The following CD44 variants were observed in gnomAD, a reference collection of about 807,000 sequenced individuals.
The protein encoded by CD44 is CD44 antigen.
CD44 carries 49 observed loss-of-function variants against 88.8 expected under a neutral mutation model. The ratio of observed to expected loss-of-function variants is 0.55; its 90% CI spans 0.44 to 0.70. The LOEUF (loss-of-function observed/expected upper bound fraction) is 0.70, where lower values mean the gene tolerates loss of function less well. Among genes scored for constraint, CD44 ranks in the 30% least tolerant of loss-of-function variants. The pLI is 0.00. For synonymous variants in CD44, 325 were observed against 312.3 expected (o/e 1.04, Z -0.43); for missense variants, 883 against 913.8 (o/e 0.97, Z 0.43).
chr11:35,167,039 A>G (rs368389647), intron 1 of CD44, among the ~76,000 whole-genome samples: 2 of 152,200 alleles, frequency 1.3e-5, no homozygotes, highest in African/African-American at 4.8e-5. Context: ...GGGGCAGCAG[A>G]GGGCACAATA....
At chr11:35,188,027 G>GA (rs2133860937) in intron 4 of CD44, among the ~76,000 whole-genome samples, 1 of 152,234 alleles carries the variant, frequency 6.6e-6, no homozygotes, top group South Asian at 2.1e-4. Flanking sequence ...TTAGAAATCA[G>GA]AAAATCTCAA....
In CD44 at chr11:35,214,880, G is replaced by T; in HGVS notation, c.1839G>T (p.Gly613=). The T allele has an allele frequency of 6.4e-7, 1 of 1,562,104 alleles. No homozygotes were observed. Among genetic ancestry groups the T allele is most frequent in the Non-Finnish European group, 8.7e-7 (1 of 1,154,060 alleles). The change falls in exon 15 of 18, where the codon GGG becomes GGT. Residue 613 remains glycine, a synonymous_variant. Coordinates refer to ENST00000428726, the MANE Select transcript of CD44 (RefSeq NM_000610.4). Reference sequence around the variant, plus strand: ...ACCAAGACACATTCCACCCCAGTGGGGGGTCCCATACCACTCATGGATCTG... The same window carrying T: ...ACCAAGACACATTCCACCCCAGTGGTGGGTCCCATACCACTCATGGATCTG... ...SGDQDTFHPS[G]GSHTTHGSES...
chr11:35,192,790 C>CTTTTTTTTT (rs35505196), intron 5 of CD44, among the ~76,000 whole-genome samples: 1 of 109,576 alleles, frequency 9.1e-6, no homozygotes, highest in African/African-American at 3.7e-5. Context: ...GGAATTCTTT[C>CTTTTTTTTT]TTTTTTTTTT....
chr11:35,171,114 C>G (rs1415717628), intron 1 of CD44, among the ~76,000 whole-genome samples: 1 of 152,228 alleles, frequency 6.6e-6, no homozygotes, highest in Non-Finnish European at 1.5e-5. Context: ...AGCCACTGCT[C>G]TTGCTGTTGG....
chr11:35,151,617 A>T (rs1860337261), intron 1 of CD44, among the ~76,000 whole-genome samples: 1 of 152,210 alleles, frequency 6.6e-6, no homozygotes, highest in Admixed American at 6.5e-5. Flanking sequence ...GATGTCTGCT[A>T]TGGGCACAAT....
Position 35,198,182 on chromosome 11 carries a change from A to G in CD44, c.858A>G (p.Arg286=). ...WEPNEENEDE[R]DRHLSFSGSG... is the part of the protein sequence containing the mutation. ...CAAATGAAGAAAATGAAGATGAAAG[A>G]GACAGACACCTCAGTTTTTCTGGAT... Residue 286 remains arginine (R), a synonymous_variant, in exon 7 of 18, where the codon AGA becomes AGG. Transcript: ENST00000428726. 1 of 1,614,022 alleles carries G rather than the reference A, an allele frequency of 6.2e-7. No homozygotes were observed. The highest frequency in any genetic ancestry group is 8.5e-7 in the Non-Finnish European group (1 of 1,179,858).
At chr11:35,154,298 G>A (rs932278987) in intron 1 of CD44, among the ~76,000 whole-genome samples, 2 of 152,092 alleles carry the variant, frequency 1.3e-5, no homozygotes, top group Admixed American at 6.6e-5. Flanking sequence ...GGTCATACAG[G>A]TGCCTCTTTT....
At chr11:35,198,416 T>C in intron 7 of CD44, 170 bp downstream of exon 7, 1 of 563,542 alleles carries the variant, frequency 1.8e-6, no homozygotes, top group Non-Finnish European at 2.9e-6. Context: ...TAGAATGTTT[T>C]GAGAAGTGGG....
At chr11:35,157,367 C>CTATCT (rs56061152) in intron 1 of CD44, among the ~76,000 whole-genome samples, 1 of 149,458 alleles carries the variant, frequency 6.7e-6, no homozygotes, top group East Asian at 2.0e-4. Flanking sequence ...ATCTATCTAT[C>CTATCT]ATCTGTCTGT....
chr11:35,198,114 A>G lies in CD44; in HGVS notation c.797-7A>G, dbSNP rs763263092. ...AGCTCAGCCACTAATGCAAGTCACC[A>G]CAACAGGTACGTCTTCAAATACCAT... On this transcript the variant is annotated splice_region_variant and splice_polypyrimidine_tract_variant and intron_variant, in intron 6 of 17. Coordinates refer to ENST00000428726, the MANE Select transcript of CD44 (RefSeq NM_000610.4). 7 of 1,612,940 alleles carry G rather than the reference A, an allele frequency of 4.3e-6. No homozygotes were observed. In the African/African-American group the frequency reaches 5.3e-5, roughly 12 times the overall value.
intron 16 of CD44, among the ~76,000 whole-genome samples, chr11:35,220,763 CTTT>C (rs34175178): frequency 2.0e-3 from 210 of 105,190 alleles, no homozygotes; most frequent in African/African-American, 6.6e-3. Context: ...TAATATACGT[CTTT>C]TTTTTTTTTT....
chr11:35,185,061 G>A (rs971394325), intron 3 of CD44, among the ~76,000 whole-genome samples: 1 of 152,214 alleles, frequency 6.6e-6, no homozygotes, highest in African/African-American at 2.4e-5. Flanking sequence ...GAGGCAGGTA[G>A]CAGAAGGCAG....
chr11:35,196,646 G>T, intron 5 of CD44, 100 bp from the exon 6 acceptor site: 1 of 1,259,450 alleles, frequency 7.9e-7, no homozygotes, highest in South Asian at 1.5e-5. Flanking sequence ...AAATATAGAT[G>T]ATTCTCTTGA....
chr11:35,196,299 G>C (rs1488206972), intron 5 of CD44, among the ~76,000 whole-genome samples: 1 of 152,208 alleles, frequency 6.6e-6, no homozygotes, highest in Admixed American at 6.5e-5. Flanking sequence ...ACATTTGGAA[G>C]AACATTCCTC....
chr11:35,158,485 G>A (rs1027321799), intron 1 of CD44, among the ~76,000 whole-genome samples: 9 of 152,150 alleles, frequency 5.9e-5, no homozygotes, highest in African/African-American at 2.2e-4. Context: ...TATACCTATG[G>A]CTTAGAGTTG....
At chr11:35,191,454 C>T (rs771512334) in intron 5 of CD44, among the ~76,000 whole-genome samples, 2 of 152,146 alleles carry the variant, frequency 1.3e-5, no homozygotes, top group Non-Finnish European at 2.9e-5. Flanking sequence ...TTGGTAGTCC[C>T]GTGGGCAACC....
chr11:35,155,828 G>A (rs1317401086), intron 1 of CD44, among the ~76,000 whole-genome samples: 4 of 152,102 alleles, frequency 2.6e-5, no homozygotes, highest in South Asian at 2.1e-4. Context: ...GGAAATGGCC[G>A]TCTTCCCTTT....
chr11:35,164,514 G>A (rs1489884762), intron 1 of CD44, among the ~76,000 whole-genome samples: 2 of 152,214 alleles, frequency 1.3e-5, no homozygotes, highest in Non-Finnish European at 2.9e-5. Flanking sequence ...CGTGGGCTGT[G>A]TGTTGAAGTT....
rs778158202 is a variant in CD44 at position 35,223,097 on chromosome 11, C to T, written c.2024+1365C>T. On this transcript the variant is annotated intron_variant, in intron 17 of 17. Transcript: ENST00000428726. The stretch of plus-strand genomic sequence containing the variant: ...CAAACAGCTATGTTGCTATCTATAC[C>T]ATTGAGGGCATAGTTTTAAAAAGTA... 169 of 984,922 alleles carry T rather than the reference C, an allele frequency of 1.7e-4. No homozygotes were observed. The Middle Eastern group carries it at 3.7e-3, about 21-fold the overall frequency. 61.0% of individuals were successfully genotyped at this position (984,922 alleles called of 1,614,324 possible). A position where few individuals can be genotyped will look rare whatever the true frequency, so the allele number is the denominator to read the frequency against.
Sources: gnomAD v4.1 joint callset for allele counts (sites outside exome capture counted in the v4.1 genomes callset) on GRCh38, gnomAD v4.1.1 for gene constraint, MANE v1.5 for transcripts, NCBI Gene and HGNC (gene_info 2026-07-23, HGNC 2026-07-21) for gene names.